Variants in EPM2A observed in about 807,000 individuals in gnomAD.
EPM2A encodes laforin.
Under a neutral mutation model 26.5 loss-of-function variants are expected in EPM2A, and 21 were observed. The ratio of observed to expected loss-of-function variants is 0.79; its 90% CI spans 0.56 to 1.14. The LOEUF is 1.14. Ranked by LOEUF, EPM2A falls within the 50% of genes most tolerant of loss-of-function variation. The probability of loss-of-function intolerance (pLI) is 0.00; values close to 1 mark genes in which losing one functional copy is unlikely to be tolerated. For synonymous variants in EPM2A, 217 were observed against 177.6 expected (o/e 1.22, Z -1.76); for missense variants, 458 against 440.8 (o/e 1.04, Z -0.35).
intron 2 of EPM2A, among the ~76,000 whole-genome samples, chr6:145,535,802 C>T (rs1040977906): frequency 2.0e-5 from 3 of 152,164 alleles, no homozygotes; most frequent in Non-Finnish European, 4.4e-5. Flanking sequence ...TTGGTGTTTG[C>T]TTCTTCTGAT....
At chr6:145,632,322 T>C (rs1025573492) in intron 3 of EPM2A, 2 of 152,202 alleles carry the variant, frequency 1.3e-5, no homozygotes, top group Non-Finnish European at 2.9e-5. Flanking sequence ...GAGGACTTCA[T>C]GAAGCCTGTG....
chr6:145,552,260 C>T (rs975390290), intron 2 of EPM2A, among the ~76,000 whole-genome samples: 2 of 151,842 alleles, frequency 1.3e-5, no homozygotes, highest in African/African-American at 4.8e-5. Flanking sequence ...CAATACATCT[C>T]AAGTAGAATA....
rs573935527 is a variant in EPM2A, at chr6:145,628,074, T to A, written c.719-381A>T. 9.6e-5 allele frequency: 24 copies of A among 249,414 alleles called. No individual in the cohort carries two copies. The South Asian group carries it at 1.5e-3, about 15-fold the overall frequency. 15.5% of individuals were successfully genotyped at this position (249,414 alleles called of 1,614,324 possible). Reference sequence around the variant, plus strand: ...TTAGAGGATTCAAAAAAAAAAATAGTTGTCAGGTCTGGCCACCTGAATTTC... The same window carrying A: ...TTAGAGGATTCAAAAAAAAAAATAGATGTCAGGTCTGGCCACCTGAATTTC... On this transcript the variant is annotated intron_variant, in intron 3 of 3. Transcript: ENST00000367519.
intron 4 of EPM2A, among the ~76,000 whole-genome samples, chr6:145,432,140 CAA>C (rs961495471): frequency 2.6e-5 from 4 of 152,168 alleles, no homozygotes; most frequent in African/African-American, 9.6e-5. Flanking sequence ...CTTCTGAAGT[CAA>C]GTCTTGAACC....
chr6:145,451,778 A>C, intron 4 of EPM2A, among the ~76,000 whole-genome samples: 1 of 152,224 alleles, frequency 6.6e-6, no homozygotes, highest in East Asian at 1.9e-4. Context: ...AGAATTCTAA[A>C]TTATTTTTTA....
intron 2 of EPM2A, among the ~76,000 whole-genome samples, chr6:145,559,725 C>T (rs573464963): frequency 6.9e-6 from 1 of 145,736 alleles, no homozygotes; most frequent in African/African-American, 2.5e-5. Flanking sequence ...AACACCAAAT[C>T]ACTACGGTAA....
intron 2 of EPM2A, among the ~76,000 whole-genome samples, chr6:145,611,689 G>A (rs118020997): frequency 0.022 from 3,409 of 152,100 alleles, 46 homozygotes; most frequent in Admixed American, 0.031. Flanking sequence ...AGGTCACTAA[G>A]TTTGCTTAAT....
At chr6:145,554,411 A>G (rs914895274) in intron 2 of EPM2A, among the ~76,000 whole-genome samples, 2 of 146,926 alleles carry the variant, frequency 1.4e-5, no homozygotes, top group Non-Finnish European at 3.0e-5. Flanking sequence ...GATAATAGAG[A>G]GATAGATAGA....
chr6:145,516,251 G>A (rs1453045330), intron 2 of EPM2A, among the ~76,000 whole-genome samples: 1 of 152,146 alleles, frequency 6.6e-6, no homozygotes, highest in African/African-American at 2.4e-5. Context: ...CATAAATCAG[G>A]TGATGACTGC....
rs75045682 is a variant in EPM2A, at chr6:145,606,859, G to A, written c.340+28386C>T. Among the ~76,000 whole-genome samples, 763 of 152,266 alleles carry A rather than the reference G, an allele frequency of 5.0e-3. 4 individuals carry two copies. Among genetic ancestry groups the A allele is most frequent in the African/African-American group, 0.018 (741 of 41,546 alleles). On this transcript the variant is annotated intron_variant, in intron 2 of 3. Coordinates refer to the EPM2A transcript ENST00000450221. ...AGACAAAGCCACTTAGACCTCATAA[G>A]TAACCTTAGTCTTGCTTGATTTGCA...
chr6:145,700,061 G>A (rs1416156227), intron 1 of EPM2A, among the ~76,000 whole-genome samples: 2 of 152,082 alleles, frequency 1.3e-5, no homozygotes, highest in Non-Finnish European at 2.9e-5. Flanking sequence ...TTCATTCAAT[G>A]TGATAATAAT....
chr6:145,443,535 T>G (rs575003877), intron 4 of EPM2A, among the ~76,000 whole-genome samples: 196 of 152,300 alleles, frequency 1.3e-3, no homozygotes, highest in Non-Finnish European at 2.2e-3. Flanking sequence ...TCAGCTTGGG[T>G]GCTGTTACTG....
At chr6:145,544,858 G>A (rs1471306487) in intron 2 of EPM2A, among the ~76,000 whole-genome samples, 2 of 152,162 alleles carry the variant, frequency 1.3e-5, no homozygotes, top group Non-Finnish European at 2.9e-5. Flanking sequence ...TAGGACCCCT[G>A]ACTAACTTTT....
intron 2 of EPM2A, among the ~76,000 whole-genome samples, chr6:145,573,988 T>G (rs1162582391): frequency 6.6e-6 from 1 of 152,150 alleles, no homozygotes; most frequent in Admixed American, 6.5e-5. Context: ...TTTTCCCCAA[T>G]GCACAGTTAC....
At chr6:145,730,956 TG>T in intron 1 of EPM2A, among the ~76,000 whole-genome samples, 1 of 152,114 alleles carries the variant, frequency 6.6e-6, no homozygotes, top group East Asian at 1.9e-4. Flanking sequence ...GGAATAAGCA[TG>T]CTCTAAACAC....
intron 2 of EPM2A, among the ~76,000 whole-genome samples, chr6:145,575,483 A>C (rs964689720): frequency 7.9e-5 from 12 of 152,182 alleles, no homozygotes; most frequent in African/African-American, 2.7e-4. Context: ...ACTCTCACTC[A>C]GGGCAATCTT....
intron 4 of EPM2A, among the ~76,000 whole-genome samples, chr6:145,483,024 C>T (rs962280599): frequency 1.3e-5 from 2 of 152,112 alleles, no homozygotes; most frequent in South Asian, 2.1e-4. Flanking sequence ...TCTCAGTTAA[C>T]GTAGGCCTCA....
chr6:145,534,597 G>A (rs567988144), intron 2 of EPM2A, among the ~76,000 whole-genome samples: 27 of 152,302 alleles, frequency 1.8e-4, no homozygotes, highest in African/African-American at 5.5e-4. Flanking sequence ...ATGCAAGCAC[G>A]GGGGCCAGGT....
At chr6:145,478,050 A>G (rs1779563981) in intron 4 of EPM2A, among the ~76,000 whole-genome samples, 2 of 151,726 alleles carry the variant, frequency 1.3e-5, no homozygotes, top group Admixed American at 1.3e-4. Context: ...CCACAAGAAA[A>G]CTACTAGAAC....
Sources: allele counts gnomAD v4.1 joint callset (sites outside exome capture counted in the v4.1 genomes callset), GRCh38; gene constraint gnomAD v4.1.1; transcripts MANE v1.5; gene names NCBI Gene and HGNC (gene_info 2026-07-23, HGNC 2026-07-21).